Variants in ABHD12B observed in about 807,000 individuals in gnomAD.
ABHD12B encodes protein ABHD12B.
A neutral mutation model predicts 50.4 loss-of-function variants in ABHD12B; 42 were observed. That is an observed-to-expected ratio of 0.83 (90% confidence interval 0.65 to 1.08). The LOEUF (loss-of-function observed/expected upper bound fraction) is 1.08, where lower values mean the gene tolerates loss of function less well. Among genes scored for constraint, ABHD12B ranks in the 50% least tolerant of loss-of-function variants. The pLI is 0.00. For missense variants in ABHD12B, 479 were observed against 447.7 expected, an observed-to-expected ratio of 1.07 and a Z score of -0.63; for synonymous variants, 167 against 160.3, an observed-to-expected ratio of 1.04 and a Z score of -0.32.
chr14:50,886,763 A>C (rs544227405), intron 8 of ABHD12B, 79 bp downstream of exon 8: 7 of 1,370,062 alleles, frequency 5.1e-6, no homozygotes, highest in Non-Finnish European at 5.1e-6. Context: ...TATTGTGTAC[A>C]CTTTGAACAT....
intron 5 of ABHD12B, among the ~76,000 whole-genome samples, chr14:50,884,032 GTCA>G (rs35869807): frequency 0.93 from 141,394 of 151,588 alleles, 66,236 homozygotes; most frequent in Non-Finnish European, 1. Context: ...TGTTTTCACA[GTCA>G]TCATAGTTAG....
At chr14:50,891,682 T>A (rs1454137279) in intron 9 of ABHD12B, 1 of 152,244 alleles carries the variant, frequency 6.6e-6, no homozygotes, top group Non-Finnish European at 1.5e-5. Flanking sequence ...CTGGAAACTC[T>A]ATTTTACCTT....
intron 8 of ABHD12B, among the ~76,000 whole-genome samples, chr14:50,888,492 G>A (rs181889983): frequency 2.3e-4 from 35 of 152,086 alleles, no homozygotes; most frequent in Non-Finnish European, 2.9e-4. Context: ...GTGAGCCACC[G>A]TGCCTGGCCT....
Position 50,885,626 on chromosome 14 carries a change from G to A in ABHD12B, c.499G>A (p.Gly167Ser). ...CTTTGTTACCTAGGTGCTGAGTGAT[G>A]GTGGCTTTCATGTCTTGTCTGTTGA... ...RLKLVKVLSD[G>S]GFHVLSVDYR... The change falls in exon 6 of 13, where the codon GGT becomes AGT. Residue 167 changes from glycine (G) to serine (S), a missense_variant. Transcript: ENST00000337334. 6.2e-7 allele frequency: 1 copy of A among 1,614,166 alleles called. No homozygotes were observed.
In ABHD12B at chr14:50,882,373, C is replaced by CTTTTTTTTTTTTTTTTTTTTT. The variant is rs386381352; in HGVS notation, c.486+748_486+768dup. Among the ~76,000 whole-genome samples, 7 of 81,834 alleles carry CTTTTTTTTTTTTTTTTTTTTT rather than the reference C, an allele frequency of 8.6e-5. 1 individual carries two copies. Among genetic ancestry groups the CTTTTTTTTTTTTTTTTTTTTT allele is most frequent in the African/African-American group, 3.6e-4 (7 of 19,318 alleles). The allele number at this position is 81,834 out of a possible 152,430, so 53.7% of individuals were successfully genotyped here. On this transcript the variant is annotated intron_variant, in intron 5 of 12. Transcript: ENST00000337334. ...ATAGGCTAAAGACACAGAATGTCTG[C>CTTTTTTTTTTTTTTTTTTTTT]TTTTTTTTTTTTTTTTTTTTTGAGA...
intron 8 of ABHD12B, among the ~76,000 whole-genome samples, chr14:50,888,208 C>CTTTTTT (rs11452625): frequency 1.4e-5 from 2 of 142,238 alleles, no homozygotes; most frequent in Non-Finnish European, 3.0e-5. Context: ...TGCTTTCTTT[C>CTTTTTT]TTTTTTTTTT....
At chr14:50,876,399 G>A (rs1429445930) in intron 1 of ABHD12B, among the ~76,000 whole-genome samples, 1 of 152,114 alleles carries the variant, frequency 6.6e-6, no homozygotes, top group Non-Finnish European at 1.5e-5. Flanking sequence ...CACTTCAGGG[G>A]GAATTAATTT....
intron 4 of ABHD12B, 37 bp downstream of exon 4, chr14:50,880,608 A>G: frequency 6.6e-7 from 1 of 1,508,174 alleles, no homozygotes; most frequent in Middle Eastern, 1.8e-4. Context: ...TTTTCAGGAG[A>G]TTGAGAGCAT....
At chr14:50,881,783 A>G (rs1282107129) in intron 5 of ABHD12B, among the ~76,000 whole-genome samples, 157 bp downstream of exon 5, 3 of 152,032 alleles carry the variant, frequency 2.0e-5, no homozygotes, top group African/African-American at 7.2e-5. Context: ...CCACCGGTGG[A>G]CTTCTGCTCC....
intron 5 of ABHD12B, 98 bp from the exon 6 acceptor site, chr14:50,885,516 A>G (rs2050023041): frequency 3.7e-6 from 5 of 1,368,674 alleles, no homozygotes; most frequent in Non-Finnish European, 5.2e-6. Context: ...CCTTTGAAAG[A>G]GCCCTCCTTG....
intron 9 of ABHD12B, among the ~76,000 whole-genome samples, chr14:50,890,312 A>G (rs887873055): frequency 3.9e-5 from 6 of 152,310 alleles, no homozygotes; most frequent in African/African-American, 1.4e-4. Flanking sequence ...TTAATGAGCA[A>G]TTATAAACTG....
intron 3 of ABHD12B, 23 bp downstream of exon 3, chr14:50,878,870 G>C: frequency 6.3e-7 from 1 of 1,597,548 alleles, no homozygotes. Flanking sequence ...ATGGGACACC[G>C]GGTTGCTTGA....
At chr14:50,885,342 A>C (rs2050021452) in intron 5 of ABHD12B, among the ~76,000 whole-genome samples, 2 of 152,186 alleles carry the variant, frequency 1.3e-5, no homozygotes, top group African/African-American at 4.8e-5. Context: ...ATCTTCATCG[A>C]ATATAAAATA....
intron 9 of ABHD12B, chr14:50,895,580 T>C (rs2050187265): frequency 6.6e-6 from 1 of 152,126 alleles, no homozygotes; most frequent in African/African-American, 2.4e-5. Context: ...CCAGAGCCCC[T>C]GGAACTCTGG....
chr14:50,884,193 T>C (rs2050001489), intron 5 of ABHD12B, among the ~76,000 whole-genome samples: 1 of 151,500 alleles, frequency 6.6e-6, no homozygotes, highest in African/African-American at 2.5e-5. Flanking sequence ...TAGATTTTTC[T>C]TCTTTCATGT....
intron 5 of ABHD12B, among the ~76,000 whole-genome samples, chr14:50,882,267 G>A (rs912126375): frequency 1.3e-5 from 2 of 151,902 alleles, no homozygotes; most frequent in Non-Finnish European, 1.5e-5. Flanking sequence ...TGAGGGCTGG[G>A]GGATGGGTTG....
At chr14:50,874,607 AAT>A (rs1555322496) in intron 1 of ABHD12B, among the ~76,000 whole-genome samples, 1 of 151,956 alleles carries the variant, frequency 6.6e-6, no homozygotes. Flanking sequence ...CTCAAAAAAA[AAT>A]AATAATAAAA....
intron 9 of ABHD12B, among the ~76,000 whole-genome samples, chr14:50,895,978 C>T (rs2050193291): frequency 6.6e-6 from 1 of 152,126 alleles, no homozygotes; most frequent in Non-Finnish European, 1.5e-5. Context: ...CTGACTATTC[C>T]TGGACTACAG....
rs1422070102 is a variant in ABHD12B, at chr14:50,904,208, C to G, written c.1061+16C>G. The G allele has an allele frequency of 1.2e-6, 2 of 1,613,524 alleles. No homozygotes were observed. Among genetic ancestry groups the G allele is most frequent in the African/African-American group, 1.3e-5 (1 of 74,910 alleles). On this transcript the variant is annotated intron_variant, in intron 12 of 12. Transcript: ENST00000337334. Reference sequence around the variant, plus strand: ...TAACCGTGAGGTAAGAGTTGCTTTGCTAAATGTATGTTGCCCTTCAAGGCA... The same window carrying G: ...TAACCGTGAGGTAAGAGTTGCTTTGGTAAATGTATGTTGCCCTTCAAGGCA...
Sources: gnomAD v4.1 joint callset for allele counts (sites outside exome capture counted in the v4.1 genomes callset) on GRCh38, gnomAD v4.1.1 for gene constraint, MANE v1.5 for transcripts, NCBI Gene and HGNC (gene_info 2026-07-23, HGNC 2026-07-21) for gene names.